ZNF415: variants seen among roughly 807,000 people sequenced by gnomAD.
The protein encoded by ZNF415 is zinc finger protein 415.
ZNF415 carries 5 observed loss-of-function variants against 7.3 expected under a neutral mutation model. That is an observed-to-expected ratio of 0.69 (90% CI 0.36 to 1.44). The LOEUF (loss-of-function observed/expected upper bound fraction) is 1.44, where lower values mean the gene tolerates loss of function less well. Among genes scored for constraint, ZNF415 ranks in the 40% most tolerant of loss-of-function variants. ZNF415 has a pLI of 0.04. For missense variants in ZNF415, 628 were observed against 664.8 expected, an observed-to-expected ratio of 0.94 and a Z score of 0.61; for synonymous variants, 207 against 226.3, an observed-to-expected ratio of 0.91 and a Z score of 0.77.
intron 1 of ZNF415, among the ~76,000 whole-genome samples, chr19:53,126,150 G>C (rs2089052257): frequency 6.6e-6 from 1 of 151,706 alleles, no homozygotes; most frequent in Admixed American, 6.6e-5. Flanking sequence ...CAGGGGTCCT[G>C]TTTCACCTGA....
At chr19:53,110,322 A>G (rs2086048950) in intron 3 of ZNF415, among the ~76,000 whole-genome samples, 1 of 152,246 alleles carries the variant, frequency 6.6e-6, no homozygotes, top group Non-Finnish European at 1.5e-5. Context: ...AGTACTACAC[A>G]ATATATCATA....
chr19:53,108,285 T>C lies in ZNF415; in HGVS notation c.*92A>G. On this transcript the variant is annotated 3_prime_UTR_variant, in exon 4 of 4. Transcript: ENST00000243643. ...TAGGAGTGAATTGTGACTGAAAACC[T>C]TGCCACATTTATTATACTTGTATGG... 7.8e-7 allele frequency: 1 copy of C among 1,275,594 alleles called. No homozygotes were observed. The allele number at this position is 1,275,594 out of a possible 1,614,324, so 79.0% of individuals were successfully genotyped here.
At chr19:53,111,340 CTTTT>C (rs61112807) in intron 3 of ZNF415, among the ~76,000 whole-genome samples, 1 of 105,116 alleles carries the variant, frequency 9.5e-6, no homozygotes, top group Non-Finnish European at 1.8e-5. Context: ...TATGATATTT[CTTTT>C]TTTTTTTTTT....
At chr19:53,116,630 G>GTTTTTTTTTTTTTTTTTTT (rs2087100870) in intron 2 of ZNF415, among the ~76,000 whole-genome samples, 197 bp from the exon 3 acceptor site, 3 of 100,662 alleles carry the variant, frequency 3.0e-5, no homozygotes, top group Admixed American at 9.9e-5. Flanking sequence ...TTTTTTTTTG[G>GTTTTTTTTTTTTTTTTTTT]TTTGAGACAA....
intron 1 of ZNF415, among the ~76,000 whole-genome samples, chr19:53,130,026 C>T (rs2089843821): frequency 6.7e-6 from 1 of 148,908 alleles, no homozygotes; most frequent in Non-Finnish European, 1.5e-5. Context: ...GATTGCACCA[C>T]TGTACTCCAG....
chr19:53,115,069 C>G (rs1017346156), intron 3 of ZNF415: 1 of 154,802 alleles, frequency 6.5e-6, no homozygotes, highest in African/African-American at 2.4e-5. Context: ...GGCGCGGCAG[C>G]TCAAGCCTGT....
chr19:53,127,878 AAAAAAAAAAAAG>A (rs1417395277), intron 1 of ZNF415, among the ~76,000 whole-genome samples: 2 of 132,516 alleles, frequency 1.5e-5, no homozygotes, highest in African/African-American at 2.6e-5. Context: ...ACCGTCTCAA[AAAAAAAAAAAAG>A]AAAAAGAAAA....
chr19:53,110,138 C>T (rs2086022614), intron 3 of ZNF415, among the ~76,000 whole-genome samples: 1 of 152,088 alleles, frequency 6.6e-6, no homozygotes, highest in African/African-American at 2.4e-5. Context: ...ATTCAAACAT[C>T]CTATGACCAA....
At chr19:53,123,768 T>C in intron 1 of ZNF415, 1 of 392,012 alleles carries the variant, frequency 2.6e-6, no homozygotes, top group Non-Finnish European at 4.5e-6. Context: ...TATATAATAT[T>C]TTCTTTATAA....
intron 2 of ZNF415, 153 bp downstream of exon 2, chr19:53,122,509 G>C (rs1034790779): frequency 1.3e-6 from 2 of 1,589,920 alleles, no homozygotes; most frequent in Non-Finnish European, 1.7e-6. Flanking sequence ...TCTCAGTAGA[G>C]ATGAGAAGGA....
chr19:53,109,516 G>A lies in ZNF415; in HGVS notation c.529C>T (p.Pro177Ser), dbSNP rs753213968. 1 of 1,614,034 alleles carries A rather than the reference G, an allele frequency of 6.2e-7. No individual in the cohort carries two copies. Among genetic ancestry groups the A allele is most frequent in the South Asian group, 1.1e-5 (1 of 91,060 alleles). ...KSVNHGSSVS[P>S]PQIISSTIKT... Reference sequence around the variant, plus strand: ...ATGGTAGAAGAAATTATTTGGGGTGGTGAAACTGAGGAACCATGGTTGACA... The same window carrying A: ...ATGGTAGAAGAAATTATTTGGGGTGATGAAACTGAGGAACCATGGTTGACA... Residue 177 changes from proline (P) to serine (S), a missense_variant, in exon 4 of 4, where the codon CCA becomes TCA. Pro to Ser is a moderately conservative substitution (Grantham distance 74). Transcript: ENST00000243643.
intron 1 of ZNF415, among the ~76,000 whole-genome samples, chr19:53,130,299 T>C (rs1283077195): frequency 1.3e-5 from 2 of 152,088 alleles, no homozygotes; most frequent in African/African-American, 2.4e-5. Context: ...ATTGAAACAA[T>C]CTAAAATTAC....
rs2087842945 is a variant in ZNF415, at chr19:53,120,621, ATACT to A, written c.15+2037_15+2040del. On this transcript the variant is annotated intron_variant, in intron 2 of 3. Transcript: ENST00000243643. The stretch of plus-strand genomic sequence containing the variant: ...TGATGTTTAAAATAAAAGCAGCATA[ATACT>A]TAATAACAATACATATAATAAGAAT... 3.3e-5 allele frequency among the ~76,000 whole-genome samples: 5 copies of A among 152,198 alleles called. No homozygotes were observed. In the South Asian group the frequency reaches 1.0e-3, roughly 31 times the overall value.
intron 2 of ZNF415, among the ~76,000 whole-genome samples, chr19:53,119,740 G>A (rs1031597668): frequency 4.6e-5 from 7 of 151,938 alleles, no homozygotes; most frequent in African/African-American, 1.4e-4. Context: ...TGATAACACA[G>A]AAATATAAAA....
chr19:53,124,904 GTA>G (rs1328293268), intron 1 of ZNF415, among the ~76,000 whole-genome samples: 1 of 151,690 alleles, frequency 6.6e-6, no homozygotes, highest in African/African-American at 2.4e-5. Context: ...AATTCTGGCT[GTA>G]TGTTTTCTCC....
At chr19:53,130,709 G>A (rs552955982) in intron 1 of ZNF415, among the ~76,000 whole-genome samples, 1 of 151,560 alleles carries the variant, frequency 6.6e-6, no homozygotes, top group East Asian at 1.9e-4. Flanking sequence ...ACCGGATCTC[G>A]GCTCTTGGCT....
At chr19:53,126,202 C>G (rs1256122935) in intron 1 of ZNF415, among the ~76,000 whole-genome samples, 1 of 147,412 alleles carries the variant, frequency 6.8e-6, no homozygotes, top group Non-Finnish European at 1.5e-5. Context: ...TGAGCAGGAC[C>G]AGCTGAGGGG....
Position 53,109,589 on chromosome 19 carries a change from C to T in ZNF415, c.456G>A (p.Gln152=). 6.2e-7 allele frequency: 1 copy of T among 1,614,120 alleles called. No homozygotes were observed. Among genetic ancestry groups the T allele is most frequent in the Non-Finnish European group, 8.5e-7 (1 of 1,180,008 alleles). The change falls in exon 4 of 4, where the codon CAG becomes CAA. Residue 152 remains glutamine (Q), a synonymous_variant. Transcript: ENST00000243643. The part of the protein sequence containing the change: ...SFLPHPHELQ[Q]FQAEGKIYEC... The stretch of plus-strand genomic sequence containing the variant: ...CATAAATTTTCCCTTCAGCTTGAAA[C>T]TGCTGCAGTTCATGGGGATGTGGTA...
At chr19:53,110,422 C>T (rs1021032513) in intron 3 of ZNF415, among the ~76,000 whole-genome samples, 17 of 151,852 alleles carry the variant, frequency 1.1e-4, no homozygotes, top group African/African-American at 7.2e-5. Flanking sequence ...ACTGAGAAAA[C>T]GAGACAAAAA....
Sources: gnomAD v4.1 joint callset for allele counts (sites outside exome capture counted in the v4.1 genomes callset) on GRCh38, gnomAD v4.1.1 for gene constraint, MANE v1.5 for transcripts, NCBI Gene and HGNC (gene_info 2026-07-23, HGNC 2026-07-21) for gene names.